Variants in FHIT observed in about 807,000 individuals in gnomAD.
The protein encoded by FHIT is fragile histidine triad diadenosine triphosphatase.
FHIT carries 19 observed loss-of-function variants against 17.9 expected under a neutral mutation model. The observed-to-expected ratio is 1.06, with a 90% CI of 0.74 to 1.56. FHIT has a LOEUF of 1.56. FHIT is among the 40% of genes most tolerant of loss of function. The pLI, the probability that FHIT is intolerant of heterozygous loss-of-function variation, is 0.00. For missense variants in FHIT, 248 were observed against 189.2 expected (o/e 1.31, Z -1.82); for synonymous variants, 81 against 69.7 (o/e 1.16, Z -0.81).
chr3:60,550,106 T>G (rs2036496385), intron 4 of FHIT, among the ~76,000 whole-genome samples: 1 of 152,182 alleles, frequency 6.6e-6, no homozygotes, highest in South Asian at 2.1e-4. Flanking sequence ...TGCTGGCTAA[T>G]GGATCCCAAG....
chr3:60,598,238 T>C (rs1576946887), intron 4 of FHIT, among the ~76,000 whole-genome samples: 1 of 152,088 alleles, frequency 6.6e-6, no homozygotes, highest in Non-Finnish European at 1.5e-5. Flanking sequence ...TACAGCTGAA[T>C]AAATGTGTTC....
chr3:59,996,098 C>G (rs1699499518), intron 7 of FHIT, among the ~76,000 whole-genome samples: 1 of 152,028 alleles, frequency 6.6e-6, no homozygotes, highest in Non-Finnish European at 1.5e-5. Context: ...CAAAACAAAA[C>G]TGGTGAATAA....
intron 5 of FHIT, among the ~76,000 whole-genome samples, chr3:60,366,115 T>C (rs1700097599): frequency 6.6e-6 from 1 of 152,180 alleles, no homozygotes; most frequent in Admixed American, 6.5e-5. Context: ...CCTCGAGAAA[T>C]CCTACAAATC....
intron 3 of FHIT, among the ~76,000 whole-genome samples, chr3:60,964,677 C>G (rs1553782481): frequency 6.6e-6 from 1 of 152,138 alleles, no homozygotes; most frequent in African/African-American, 2.4e-5. Context: ...GATTTTATTT[C>G]TCCTTCACTT....
At chr3:60,803,522 T>A (rs1701272675) in intron 4 of FHIT, among the ~76,000 whole-genome samples, 1 of 152,182 alleles carries the variant, frequency 6.6e-6, no homozygotes, top group African/African-American at 2.4e-5. Context: ...TGGAAGAGTA[T>A]AAAAGGTGCA....
intron 4 of FHIT, among the ~76,000 whole-genome samples, chr3:60,746,760 G>A (rs780728106): frequency 6.6e-6 from 1 of 152,146 alleles, no homozygotes; most frequent in African/African-American, 2.4e-5. Context: ...CACTGGGTAG[G>A]GGCTGAGGGT....
chr3:60,425,479 T>A (rs1702627876), intron 5 of FHIT, among the ~76,000 whole-genome samples: 1 of 152,054 alleles, frequency 6.6e-6, no homozygotes, highest in African/African-American at 2.4e-5. Flanking sequence ...CACTAAACCC[T>A]TATGATACAC....
chr3:60,832,921 C>A (rs1351004885), intron 3 of FHIT, among the ~76,000 whole-genome samples: 2 of 152,148 alleles, frequency 1.3e-5, no homozygotes, highest in Non-Finnish European at 2.9e-5. Flanking sequence ...ATCAGACTAA[C>A]CTGATTAGTC....
chr3:61,011,007 A>G (rs760719715), intron 3 of FHIT, among the ~76,000 whole-genome samples: 14 of 152,248 alleles, frequency 9.2e-5, no homozygotes, highest in Non-Finnish European at 2.1e-4. Context: ...ATTCTCTAAC[A>G]TGAGAAATTT....
At chr3:60,583,715 G>A (rs1481909202) in intron 4 of FHIT, among the ~76,000 whole-genome samples, 5 of 152,102 alleles carry the variant, frequency 3.3e-5, no homozygotes, top group South Asian at 4.1e-4. Flanking sequence ...GCCAATCCCC[G>A]TCCTGAATAA....
chr3:60,720,042 C>T (rs984890634), intron 4 of FHIT, among the ~76,000 whole-genome samples: 1 of 152,148 alleles, frequency 6.6e-6, no homozygotes, highest in Non-Finnish European at 1.5e-5. Context: ...AGGCCAAAAG[C>T]CTTTCACAGA....
chr3:60,429,946 T>C (rs1238215551), intron 5 of FHIT, among the ~76,000 whole-genome samples: 2 of 151,950 alleles, frequency 1.3e-5, no homozygotes, highest in Non-Finnish European at 2.9e-5. Context: ...GACTTGGTCA[T>C]GTGACTCGCA....
intron 3 of FHIT, among the ~76,000 whole-genome samples, chr3:60,858,875 A>C (rs1298401861): frequency 6.6e-6 from 1 of 152,136 alleles, no homozygotes; most frequent in African/African-American, 2.4e-5. Flanking sequence ...AATATATATA[A>C]TCACAGGCTG....
chr3:61,124,191 T>A (rs929030574), intron 2 of FHIT, among the ~76,000 whole-genome samples: 13 of 152,160 alleles, frequency 8.5e-5, no homozygotes, highest in African/African-American at 1.2e-4. Context: ...AATTTTATAT[T>A]TTAAAACCAA....
intron 5 of FHIT, among the ~76,000 whole-genome samples, chr3:60,497,640 T>C (rs997837972): frequency 6.6e-6 from 1 of 152,152 alleles, no homozygotes; most frequent in Non-Finnish European, 1.5e-5. Context: ...TCATCCAGGA[T>C]CACAGGATCA....
chr3:60,631,082 A>G lies in FHIT; in HGVS notation c.-17-94103T>C, dbSNP rs371634474. Among the ~76,000 whole-genome samples, 161 of 152,134 alleles carry G rather than the reference A, an allele frequency of 1.1e-3. 2 individuals are homozygous for G. In the South Asian group the frequency reaches 0.031, roughly 29 times the overall value. ...GGAGGCAGATAACTTTGAAGATTTT[A>G]TTTCACAGGGGACAACAGATAAAAG... On this transcript the variant is annotated intron_variant, in intron 4 of 9. Transcript: ENST00000492590.
intron 2 of FHIT, among the ~76,000 whole-genome samples, chr3:61,177,462 G>A (rs2038195479): frequency 1.3e-5 from 2 of 152,160 alleles, no homozygotes; most frequent in South Asian, 4.1e-4. Flanking sequence ...TGGGGAGAGG[G>A]TAGTAAAAAG....
At chr3:60,785,481 T>C (rs1238089222) in intron 4 of FHIT, among the ~76,000 whole-genome samples, 1 of 152,192 alleles carries the variant, frequency 6.6e-6, no homozygotes, top group Admixed American at 6.5e-5. Flanking sequence ...TTCACTGTAC[T>C]GATATTAGCC....
At chr3:59,919,966 C>T (rs1372139757) in intron 8 of FHIT, among the ~76,000 whole-genome samples, 1 of 152,156 alleles carries the variant, frequency 6.6e-6, no homozygotes, top group African/African-American at 2.4e-5. Context: ...AGAAACATTT[C>T]CATACAAAGA....
Sources: allele counts gnomAD v4.1 joint callset (sites outside exome capture counted in the v4.1 genomes callset), GRCh38; gene constraint gnomAD v4.1.1; transcripts MANE v1.5; gene names NCBI Gene and HGNC (gene_info 2026-07-23, HGNC 2026-07-21).